Variants in LPA observed in about 807,000 individuals in gnomAD.
The protein encoded by LPA is apolipoprotein(a).
In LPA, 199 loss-of-function variants were observed where a neutral mutation model predicts 197.9. The ratio of observed to expected loss-of-function variants is 1.01; its 90% CI spans 0.90 to 1.13. The LOEUF is 1.13. LPA is among the 50% of genes most tolerant of loss of function. The pLI is 0.00. For synonymous variants in LPA, 715 were observed against 639.5 expected, an observed-to-expected ratio of 1.12 and a Z score of -1.78; for missense variants, 1,853 against 1,785.8, an observed-to-expected ratio of 1.04 and a Z score of -0.68.
At chr6:160,536,284 T>A (rs1376051952) in intron 37 of LPA, among the ~76,000 whole-genome samples, 1 of 152,216 alleles carries the variant, frequency 6.6e-6, no homozygotes, top group African/African-American at 2.4e-5. Context: ...CTGAAAACTT[T>A]GCAGCTCACT....
At chr6:160,588,041 AAC>A (rs10601217) in intron 24 of LPA, among the ~76,000 whole-genome samples, 15,421 of 151,934 alleles carry the variant, frequency 0.1, 2,501 homozygotes, top group African/African-American at 0.35. Flanking sequence ...ATTTTCCTGA[AAC>A]ACAGTTCTCA....
At position 160,556,219 on chromosome 6, in the gene LPA, A is replaced by G. The variant is rs771607025; in HGVS notation, c.4814-35T>C. 5 of 1,608,894 alleles carry G rather than the reference A, an allele frequency of 3.1e-6. No individual in the cohort carries two copies. In the Admixed American group the frequency reaches 5.0e-5, roughly 16 times the overall value. ...GACAAAATCAAGCTGAGTAACTACT[A>G]GTATGCAGAAACATGTGAAGCAATT... On this transcript the variant is annotated intron_variant, in intron 29 of 38. Coordinates refer to ENST00000316300, the MANE Select transcript of LPA (RefSeq NM_005577.4).
At chr6:160,577,063 C>CT in intron 28 of LPA, 73 bp downstream of exon 28, 1 of 1,577,096 alleles carries the variant, frequency 6.3e-7, no homozygotes, top group Non-Finnish European at 8.7e-7. Context: ...AGGAAGTGAG[C>CT]TTAAAGCATG....
At chr6:160,604,360 G>A in intron 18 of LPA, among the ~76,000 whole-genome samples, 1 of 152,084 alleles carries the variant, frequency 6.6e-6, no homozygotes. Flanking sequence ...ACTGTCTGTT[G>A]TCCAACATGT....
At chr6:160,558,690 T>A (rs756238593) in intron 28 of LPA, among the ~76,000 whole-genome samples, 6 of 152,086 alleles carry the variant, frequency 3.9e-5, no homozygotes, top group Non-Finnish European at 8.8e-5. Flanking sequence ...GACAATGGGA[T>A]CTGAAGAGGT....
At chr6:160,655,535 G>A (rs1780117873) in intron 1 of LPA, among the ~76,000 whole-genome samples, 1 of 152,188 alleles carries the variant, frequency 6.6e-6, no homozygotes, top group Admixed American at 6.5e-5. Flanking sequence ...CGAGGAATGT[G>A]TTGCCTCCAA....
Position 160,586,481 on chromosome 6 carries a change from G to T in LPA, c.4097C>A (p.Pro1366Gln). 6.2e-7 allele frequency: 1 copy of T among 1,613,724 alleles called. No individual in the cohort carries two copies. The change falls in exon 25 of 39, where the codon CCA (proline) becomes CAA (glutamine). Residue 1366 changes from proline (P) to glutamine (Q), a missense_variant. By Grantham distance (76) the Pro-to-Gln change is moderately conservative. Around this residue, in one of 3 missense-constraint regions of LPA, gnomAD observed 1,737 missense variants for 1,504.4 expected, o/e 1.15. Transcript: ENST00000316300. ...AGAAGGAAGCTCTGTGCTTGGAACT[G>T]GGACCACCGTGGGAGTTGTGAGGAG... The part of the protein sequence containing the change: ...STLLTTPTVV[P>Q]VPSTELPSEE...
chr6:160,662,529 CAT>C (rs1780244270), intron 1 of LPA, among the ~76,000 whole-genome samples: 1 of 152,188 alleles, frequency 6.6e-6, no homozygotes, highest in East Asian at 1.9e-4. Context: ...TCGATTAAAA[CAT>C]ATGTTAATCC....
At chr6:160,611,272 G>A (rs781140263) in intron 16 of LPA, among the ~76,000 whole-genome samples, 34 of 151,782 alleles carry the variant, frequency 2.2e-4, no homozygotes, top group Non-Finnish European at 4.9e-4. Flanking sequence ...GTGGGTGTTG[G>A]GCAAGGGTAA....
At chr6:160,643,083 A>AGT (rs767484310) in intron 4 of LPA, among the ~76,000 whole-genome samples, 24,681 of 123,056 alleles carry the variant, frequency 0.2, 36 homozygotes, top group East Asian at 0.43. Context: ...GTGTGTTTTC[A>AGT]GTGTGTGTGT....
At chr6:160,568,704 T>C (rs1187972488) in intron 28 of LPA, among the ~76,000 whole-genome samples, 6 of 152,230 alleles carry the variant, frequency 3.9e-5, no homozygotes, top group Non-Finnish European at 7.3e-5. Context: ...ATTGTCCCTG[T>C]TTGCAGATGA....
In LPA at chr6:160,577,197, G is replaced by C; in HGVS notation, c.4570C>G (p.Gln1524Glu). The C allele has an allele frequency of 6.2e-7, 1 of 1,613,926 alleles. No homozygotes were observed. The highest frequency in any genetic ancestry group is 8.5e-7 in the Non-Finnish European group (1 of 1,179,860). Residue 1524 changes from glutamine (Q) to glutamate (E), a missense_variant, in exon 28 of 39, where the codon CAA (glutamine) becomes GAA (glutamate). Physicochemically the swap from Gln to Glu is conservative, Grantham distance 29 (BLOSUM62 2). Transcript: ENST00000316300. ...TGTGGTATCATAGATGACCAAGATT[G>C]ACAGGTCCTTCCTGTGACAGTGGTG... The part of the protein sequence containing the change: ...SSTTVTGRTC[Q>E]SWSSMIPHWH...
At chr6:160,568,779 T>C (rs1778509645) in intron 28 of LPA, among the ~76,000 whole-genome samples, 1 of 152,222 alleles carries the variant, frequency 6.6e-6, no homozygotes, top group South Asian at 2.1e-4. Flanking sequence ...GATAAGCAAC[T>C]TCAGCAAAGT....
At chr6:160,610,727 C>A (rs1345024690) in intron 16 of LPA, among the ~76,000 whole-genome samples, 3 of 152,136 alleles carry the variant, frequency 2.0e-5, no homozygotes, top group Non-Finnish European at 2.9e-5. Context: ...CTCCTCTGCT[C>A]AGCTAGATGG....
chr6:160,542,544 T>A lies in LPA; in HGVS notation c.5519+144A>T, dbSNP rs41265940. The A allele has an allele frequency of 4.8e-3, 6,192 of 1,282,146 alleles. 189 individuals carry two copies. In the African/African-American group the frequency reaches 0.074, roughly 15 times the overall value. The allele number at this position is 1,282,146 out of a possible 1,614,324, so 79.4% of individuals were successfully genotyped here. ...GAACCTATAATAATATAACTTTTTT[T>A]AATTTTTCTATATTTTTTCCTCCTT... On this transcript the variant is annotated intron_variant, in intron 34 of 38. Transcript: ENST00000316300.
intron 16 of LPA, among the ~76,000 whole-genome samples, chr6:160,609,874 T>A (rs1779450656): frequency 6.6e-6 from 1 of 152,008 alleles, no homozygotes; most frequent in Admixed American, 6.6e-5. Context: ...TCTGCAGAAT[T>A]GTTTTTGGTT....
intron 22 of LPA, among the ~76,000 whole-genome samples, chr6:160,591,597 C>T (rs916437816): frequency 6.6e-6 from 1 of 152,204 alleles, no homozygotes; most frequent in Admixed American, 6.5e-5. Flanking sequence ...TATTCACATA[C>T]AGTTTTTCTT....
chr6:160,661,520 G>A (rs1348788307), intron 1 of LPA, among the ~76,000 whole-genome samples: 2 of 152,182 alleles, frequency 1.3e-5, no homozygotes, highest in Non-Finnish European at 2.9e-5. Flanking sequence ...CACAGACCAT[G>A]AGGGCAGGGC....
chr6:160,572,714 G>A (rs1365750779), intron 28 of LPA, among the ~76,000 whole-genome samples: 2 of 152,170 alleles, frequency 1.3e-5, no homozygotes, highest in Non-Finnish European at 2.9e-5. Flanking sequence ...TGTTTTGTTT[G>A]AGGAGGCTAT....
Sources: allele counts gnomAD v4.1 joint callset (sites outside exome capture counted in the v4.1 genomes callset), GRCh38; gene constraint gnomAD v4.1.1; regional missense constraint gnomAD v4.1.1; transcripts MANE v1.5; gene names NCBI Gene and HGNC (gene_info 2026-07-23, HGNC 2026-07-21).